Variants in FAM78A observed in about 807,000 individuals in gnomAD.
FAM78A encodes protein FAM78A.
Under a neutral mutation model 22.6 loss-of-function variants are expected in FAM78A, and 12 were observed. That is an observed-to-expected ratio of 0.53 (90% confidence interval 0.34 to 0.86). The LOEUF (loss-of-function observed/expected upper bound fraction) is 0.86. Among genes scored for constraint, FAM78A ranks in the 40% least tolerant of loss-of-function variants. FAM78A has a pLI of 0.02. For synonymous variants in FAM78A, 151 were observed against 155.8 expected, an observed-to-expected ratio of 0.97 and a Z score of 0.23; for missense variants, 322 against 396.1, an observed-to-expected ratio of 0.81 and a Z score of 1.59.
At chr9:131,270,796 G>A (rs1013313292) in intron 1 of FAM78A, among the ~76,000 whole-genome samples, 2 of 152,182 alleles carry the variant, frequency 1.3e-5, no homozygotes, top group South Asian at 2.1e-4. Context: ...ATCTGCTGGC[G>A]CTGAGCAACA....
chr9:131,276,057 A>C lies in FAM78A; in HGVS notation c.123T>G (p.Ile41Met), dbSNP rs1406516626. The change falls in exon 1 of 2, where the codon ATT becomes ATG. Residue 41 changes from isoleucine (I) to methionine (M), a missense_variant. Ile to Met is a conservative substitution (Grantham distance 10). Coordinates refer to ENST00000372271, the MANE Select transcript of FAM78A (RefSeq NM_033387.4). The surrounding 1 kb of genome is among the most constrained non-coding windows in gnomAD (Gnocchi z 4.3). ...ARVFREGITVIDVKASIDPVP... is the reference protein window; with the variant it reads ...ARVFREGITVMDVKASIDPVP... ...CGGGGTCGATGGAGGCTTTCACATC[A>C]ATCACCGTGATCCCTTCCCGGAAGA... 1.2e-6 allele frequency: 2 copies of C among 1,613,566 alleles called. No individual in the cohort carries two copies. Among genetic ancestry groups the C allele is most frequent in the African/African-American group, 2.7e-5 (2 of 74,856 alleles).
At chr9:131,267,535 G>A (rs10793990) in intron 1 of FAM78A, among the ~76,000 whole-genome samples, 72,537 of 151,926 alleles carry the variant, frequency 0.48, 18,527 homozygotes, top group East Asian at 0.76. Context: ...CCCTGTCTCT[G>A]AAAGAAACAA....
upstream of FAM78A, among the ~76,000 whole-genome samples, chr9:131,277,541 G>T (rs1014439165): frequency 2.6e-5 from 4 of 151,718 alleles, no homozygotes; most frequent in Non-Finnish European, 4.4e-5. The surrounding 1 kb of genome is among the most constrained non-coding windows in gnomAD (Gnocchi z 8.4). Flanking sequence ...CGGCGCCGCC[G>T]ACTCACCTGC....
upstream of FAM78A, among the ~76,000 whole-genome samples, chr9:131,278,827 C>A (rs1334463400): frequency 2.0e-5 from 3 of 152,376 alleles, no homozygotes; most frequent in Admixed American, 2.0e-4. Context: ...CCCACCCCAT[C>A]CCCATGACTC....
At chr9:131,271,341 A>G (rs747420935) in intron 1 of FAM78A, among the ~76,000 whole-genome samples, 6 of 152,202 alleles carry the variant, frequency 3.9e-5, no homozygotes, top group Non-Finnish European at 8.8e-5. Flanking sequence ...GGTGACTCCG[A>G]CAGGCATCGC....
At chr9:131,276,644 A>C (rs1301261980), upstream of FAM78A, 1 of 152,776 alleles carries the variant, frequency 6.5e-6, no homozygotes, top group African/African-American at 2.4e-5. The surrounding 1 kb of genome is among the most constrained non-coding windows in gnomAD (Gnocchi z 4.3). Context: ...CCGCACCCGC[A>C]CCCGCCCGGC....
intron 1 of FAM78A, among the ~76,000 whole-genome samples, chr9:131,268,892 C>CAAA (rs35244977): frequency 7.5e-6 from 1 of 134,114 alleles, no homozygotes; most frequent in African/African-American, 2.9e-5. Flanking sequence ...GACTCCGTCT[C>CAAA]AAAAAAAAAA....
chr9:131,269,717 TCCA>T (rs1273256042), intron 1 of FAM78A, among the ~76,000 whole-genome samples: 23 of 152,042 alleles, frequency 1.5e-4, no homozygotes, highest in Admixed American at 1.4e-3. Context: ...CCTCAGATGA[TCCA>T]CCTGCCTCAG....
At position 131,276,077 on chromosome 9, in the gene FAM78A, G is replaced by A. The variant is rs1835480551; in HGVS notation, c.103C>T (p.Arg35Trp). The A allele has an allele frequency of 6.2e-7, 1 of 1,613,792 alleles. No homozygotes were observed. The highest frequency in any genetic ancestry group is 8.5e-7 in the Non-Finnish European group (1 of 1,180,020). ...QSIGGKARVF[R>W]EGITVIDVKA... ...ACATCAATCACCGTGATCCCTTCCC[G>A]GAAGACTCTGGCTTTGCCTCCGATG... Residue 35 changes from arginine to tryptophan, a missense_variant, in exon 1 of 2, where the codon CGG (arginine) becomes TGG (tryptophan). Coordinates refer to ENST00000372271, the MANE Select transcript of FAM78A (RefSeq NM_033387.4). This position sits in a 1 kb window ranked among gnomAD's most constrained non-coding sequence, Gnocchi z 4.3.
At chr9:131,267,474 C>T (rs1835359505) in intron 1 of FAM78A, among the ~76,000 whole-genome samples, 1 of 152,138 alleles carries the variant, frequency 6.6e-6, no homozygotes, top group South Asian at 2.1e-4. Flanking sequence ...GTCAAGGCTG[C>T]AGTGAGCTAG....
Position 131,261,416 on chromosome 9 carries a change from C to A in FAM78A, c.324-66G>T, listed in dbSNP as rs1835267830. On this transcript the variant is annotated intron_variant, in intron 1 of 1. Transcript: ENST00000372271. This position sits in a 1 kb window ranked among gnomAD's most constrained non-coding sequence, Gnocchi z 7.1. ...AGGAGGGCTTTCTGTGTCCCCCTGG[C>A]AGGCCAGGGGCTGTCCTGGGCCCTG... is the stretch of plus-strand genomic sequence containing the variant. 3 of 1,447,834 alleles carry A rather than the reference C, an allele frequency of 2.1e-6. No homozygotes were observed. Among genetic ancestry groups the A allele is most frequent in the Non-Finnish European group, 1.8e-6 (2 of 1,098,558 alleles). The allele number at this position is 1,447,834 out of a possible 1,614,324, so 89.7% of individuals were successfully genotyped here.
chr9:131,280,919 T>C (rs1040962465), upstream of FAM78A, among the ~76,000 whole-genome samples: 10 of 152,154 alleles, frequency 6.6e-5, no homozygotes, highest in Admixed American at 2.0e-4. Flanking sequence ...ATTCTACAGA[T>C]GAGGACACTG....
In FAM78A at chr9:131,264,385, C is replaced by T. The variant is rs540618354; in HGVS notation, c.324-3035G>A. 7.1e-4 allele frequency: 398 copies of T among 562,140 alleles called. 4 individuals are homozygous for T. In the South Asian group the frequency reaches 8.5e-3, roughly 12 times the overall value. The allele number at this position is 562,140 out of a possible 1,614,324, so 34.8% of individuals were successfully genotyped here. On this transcript the variant is annotated intron_variant, in intron 1 of 1. Transcript: ENST00000372271. Reference sequence around the variant, plus strand: ...GCATGGCTCAGGGCCAGGGCCAAATCGTCACCAGGCTGCGTGGATCCCTCC... The same window carrying T: ...GCATGGCTCAGGGCCAGGGCCAAATTGTCACCAGGCTGCGTGGATCCCTCC...
Position 131,260,024 on chromosome 9 carries a change from C to T in FAM78A, c.*798G>A, listed in dbSNP as rs573157300. 14 of 152,832 alleles carry T rather than the reference C, an allele frequency of 9.2e-5. 1 individual carries two copies. Among genetic ancestry groups the T allele is most frequent in the African/African-American group, 3.1e-4 (13 of 41,606 alleles). 9.5% of individuals were successfully genotyped at this position (152,832 alleles called of 1,614,324 possible). A position where few individuals can be genotyped will look rare whatever the true frequency, so the allele number is the denominator to read the frequency against. On this transcript the variant is annotated 3_prime_UTR_variant, in exon 2 of 2. Transcript: ENST00000372271. The surrounding 1 kb of genome is among the most constrained non-coding windows in gnomAD (Gnocchi z 5.4). ...CACCCCCCGCCAGAGCTCACAGCCC[C>T]TCTCCGCAGGTGCAGGGATACGACC...
chr9:131,270,627 C>G, intron 1 of FAM78A: 1 of 677,688 alleles, frequency 1.5e-6, no homozygotes, highest in Non-Finnish European at 2.8e-6. Context: ...CCACCCCGCC[C>G]TTGCCTCCGC....
Position 131,275,590 on chromosome 9 carries a change from G to A in FAM78A, c.323+267C>T, listed in dbSNP as rs1392152570. Among the ~76,000 whole-genome samples the A allele has an allele frequency of 6.6e-6, 1 of 152,208 alleles. No individual in the cohort carries two copies. Among genetic ancestry groups the A allele is most frequent in the East Asian group, 1.9e-4 (1 of 5,196 alleles). On this transcript the variant is annotated intron_variant, in intron 1 of 1. Transcript: ENST00000372271. This position sits in a 1 kb window ranked among gnomAD's most constrained non-coding sequence, Gnocchi z 4.6. ...GGGAGTAATGTCTCTCTGCTTTCTC[G>A]GCATCTTGCAGGGAAGGACACAGGA... is the stretch of plus-strand genomic sequence containing the variant.
Position 131,265,593 on chromosome 9 carries a change from G to A in FAM78A, c.324-4243C>T, listed in dbSNP as rs1013800710. Among the ~76,000 whole-genome samples the A allele has an allele frequency of 1.3e-5, 2 of 151,698 alleles. No homozygotes were observed. Among genetic ancestry groups the A allele is most frequent in the African/African-American group, 4.8e-5 (2 of 41,266 alleles). ...GTAGAGACGGAGTTTCACCATGTTG[G>A]CCAGGCTGGTCTCAAACCCCTGACC... On this transcript the variant is annotated intron_variant, in intron 1 of 1. Transcript: ENST00000372271. The surrounding 1 kb of genome is among the most constrained non-coding windows in gnomAD (Gnocchi z 4.3).
chr9:131,280,336 C>T (rs1000853723), upstream of FAM78A, among the ~76,000 whole-genome samples: 34 of 152,318 alleles, frequency 2.2e-4, no homozygotes, highest in African/African-American at 5.8e-4. Flanking sequence ...TCCGGAGCTC[C>T]GTGGGTGTTG....
chr9:131,280,185 G>T (rs1236327244), upstream of FAM78A, among the ~76,000 whole-genome samples: 1 of 152,192 alleles, frequency 6.6e-6, no homozygotes, highest in South Asian at 2.1e-4. Context: ...GCCAGGCAGA[G>T]GGTGTGAATG....
Sources: gnomAD v4.1 joint callset for allele counts (sites outside exome capture counted in the v4.1 genomes callset) on GRCh38, gnomAD v4.1.1 for gene constraint, Gnocchi (gnomAD v3.1) non-coding constraint, MANE v1.5 for transcripts, NCBI Gene and HGNC (gene_info 2026-07-23, HGNC 2026-07-21) for gene names.